Variants in ZNF704 observed in about 807,000 individuals in gnomAD.
The protein encoded by ZNF704 is glucocorticoid induced gene 1.
A neutral mutation model predicts 44.7 loss-of-function variants in ZNF704; 10 were observed. That is an observed-to-expected ratio of 0.22 (90% CI 0.14 to 0.38). The LOEUF is 0.38. Ranked by LOEUF, ZNF704 falls within the 10% of genes least tolerant of loss-of-function variation. The pLI is 1.00. For synonymous variants in ZNF704, 211 were observed against 207.6 expected, an observed-to-expected ratio of 1.02 and a Z score of -0.14; for missense variants, 390 against 545.5, an observed-to-expected ratio of 0.71 and a Z score of 2.84.
In ZNF704 at chr8:80,696,543, G is replaced by A. The variant is rs1346848448; in HGVS notation, c.222-3436C>T. ...AGCGATTCTTCTGCTTCAGCCTCCC[G>A]AGTAGCTGGGATTACAGGCATGTGT... On this transcript the variant is annotated intron_variant, in intron 2 of 8. Transcript: ENST00000327835. Among the ~76,000 whole-genome samples, 2 of 152,066 alleles carry A rather than the reference G, an allele frequency of 1.3e-5. 1 individual carries two copies. The highest frequency in any genetic ancestry group is 3.9e-4 in the East Asian group (2 of 5,174).
Position 80,854,331 on chromosome 8 carries a change from C to T in ZNF704, c.-22+20240G>A, listed in dbSNP as rs558062723. On this transcript the variant is annotated intron_variant, in intron 1 of 8. Coordinates refer to ENST00000327835, the MANE Select transcript of ZNF704 (RefSeq NM_001033723.3). ...TATTTTTCTCCATTTCCCCTCAGTG[C>T]CTTCCTGTCAATTTTATCAACTTTT... Among the ~76,000 whole-genome samples the T allele has an allele frequency of 9.9e-5, 15 of 152,218 alleles. No individual in the cohort carries two copies. In the South Asian group the frequency reaches 3.1e-3, roughly 32 times the overall value.
At chr8:80,842,412 T>C (rs1808695518) in intron 1 of ZNF704, among the ~76,000 whole-genome samples, 1 of 152,148 alleles carries the variant, frequency 6.6e-6, no homozygotes, top group Non-Finnish European at 1.5e-5. Context: ...CTGATTAATA[T>C]CCAATGTGAT....
chr8:80,686,563 A>C (rs551716043), intron 4 of ZNF704, among the ~76,000 whole-genome samples: 133 of 151,748 alleles, frequency 8.8e-4, no homozygotes, highest in African/African-American at 3.1e-3. Context: ...TTTTTTATTT[A>C]ATTTTTTTTT....
intron 2 of ZNF704, among the ~76,000 whole-genome samples, chr8:80,787,012 C>T (rs574799280): frequency 3.3e-4 from 51 of 152,242 alleles, no homozygotes; most frequent in African/African-American, 1.2e-3. Context: ...ACAGAAGAGG[C>T]TTGTTTTTAT....
rs1001341747 is a variant in ZNF704, at chr8:80,870,279, G to A, written c.-22+4292C>T. Among the ~76,000 whole-genome samples the A allele has an allele frequency of 7.9e-5, 12 of 152,252 alleles. No homozygotes were observed. The East Asian group carries it at 2.3e-3, about 29-fold the overall frequency. ...CCATGATGCTTTAGTCATAACACTA[G>A]GGTCTACTGTATCCCATCTTTTAAA... is the stretch of plus-strand genomic sequence containing the variant. On this transcript the variant is annotated intron_variant, in intron 1 of 8. Transcript: ENST00000327835.
chr8:80,674,692 C>G (rs1465376118), intron 4 of ZNF704, among the ~76,000 whole-genome samples: 2 of 152,178 alleles, frequency 1.3e-5, no homozygotes, highest in Non-Finnish European at 2.9e-5. Context: ...CCACTAGGCC[C>G]CACCTCCCAA....
chr8:80,681,427 C>T (rs1818452085), intron 4 of ZNF704, among the ~76,000 whole-genome samples: 1 of 152,044 alleles, frequency 6.6e-6, no homozygotes, highest in African/African-American at 2.4e-5. Flanking sequence ...TGAAATTCTA[C>T]AACAGGCAGC....
chr8:80,719,347 T>C (rs951295944), intron 2 of ZNF704, among the ~76,000 whole-genome samples: 5 of 152,204 alleles, frequency 3.3e-5, no homozygotes, highest in Non-Finnish European at 7.3e-5. Context: ...TAGTGACATC[T>C]TGATTATCAT....
At chr8:80,827,161 T>C (rs542769402) in intron 1 of ZNF704, among the ~76,000 whole-genome samples, 2 of 152,290 alleles carry the variant, frequency 1.3e-5, no homozygotes, top group Admixed American at 1.3e-4. Context: ...GACATCATTG[T>C]ATATTTAGAA....
At chr8:80,687,520 G>A (rs1321978167) in intron 3 of ZNF704, 62 bp from the exon 4 acceptor site, 1 of 1,276,912 alleles carries the variant, frequency 7.8e-7, no homozygotes, top group South Asian at 1.5e-5. Flanking sequence ...GGTTCAGTGG[G>A]GAAATGGGAG....
At chr8:80,761,069 G>T (rs1458966397) in intron 2 of ZNF704, among the ~76,000 whole-genome samples, 1 of 152,104 alleles carries the variant, frequency 6.6e-6, no homozygotes, top group African/African-American at 2.4e-5. Context: ...TTTGGGTGGA[G>T]ACACAGATCC....
chr8:80,691,503 C>T (rs1475635841), intron 3 of ZNF704, among the ~76,000 whole-genome samples: 1 of 152,220 alleles, frequency 6.6e-6, no homozygotes, highest in Non-Finnish European at 1.5e-5. Flanking sequence ...TGGTCTTCCT[C>T]TACCTCTCTG....
intron 3 of ZNF704, among the ~76,000 whole-genome samples, chr8:80,689,103 T>C (rs1290830982): frequency 6.6e-6 from 1 of 152,164 alleles, no homozygotes; most frequent in African/African-American, 2.4e-5. Flanking sequence ...TTTATGTGCA[T>C]TTTGAATATA....
At chr8:80,884,290 T>G in the ZNF704 span, among the ~76,000 whole-genome samples, 3 of 152,190 alleles carry the variant, frequency 2.0e-5, no homozygotes, top group African/African-American at 7.2e-5. Context: ...TACCTTCCAT[T>G]TCTTTGACTG....
In ZNF704 at chr8:80,781,341, G is replaced by GCTA. The variant is rs1426745609; in HGVS notation, c.221+40030_221+40032dup. Among the ~76,000 whole-genome samples the GCTA allele has an allele frequency of 3.3e-5, 5 of 152,260 alleles. No homozygotes were observed. The South Asian group carries it at 1.0e-3, about 32-fold the overall frequency. On this transcript the variant is annotated intron_variant, in intron 2 of 8. Coordinates refer to ENST00000327835, the MANE Select transcript of ZNF704 (RefSeq NM_001033723.3). Reference sequence around the variant, plus strand: ...GTCTCTGTCACAGCTACTCAATTCTGCTACTATTTGCAAAAGCAGCCAATG... The same window carrying GCTA: ...GTCTCTGTCACAGCTACTCAATTCTGCTACTACTATTTGCAAAAGCAGCCAATG...
At chr8:80,713,699 T>C (rs1337966586) in intron 2 of ZNF704, among the ~76,000 whole-genome samples, 1 of 149,656 alleles carries the variant, frequency 6.7e-6, no homozygotes, top group Non-Finnish European at 1.5e-5. Context: ...CCACAGGTCA[T>C]TCAGGGGAAT....
chr8:80,720,822 T>C (rs538416083), intron 2 of ZNF704, among the ~76,000 whole-genome samples: 2 of 152,222 alleles, frequency 1.3e-5, no homozygotes, highest in Admixed American at 6.5e-5. Context: ...CAACTGCCCA[T>C]TGGTTAGTCT....
chr8:80,800,900 C>T (rs746763763), intron 2 of ZNF704, among the ~76,000 whole-genome samples: 37 of 152,126 alleles, frequency 2.4e-4, no homozygotes, highest in Non-Finnish European at 4.3e-4. Context: ...CATCAGTATG[C>T]TGTGTTCAAG....
intron 1 of ZNF704, among the ~76,000 whole-genome samples, chr8:80,830,657 T>TGGAAGGATGGAC (rs1306678202): frequency 8.0e-4 from 118 of 148,026 alleles, no homozygotes; most frequent in Non-Finnish European, 1.6e-4. Flanking sequence ...GAAGGAAGGA[T>TGGAAGGATGGAC]GGAAGGATGG....
Sources: gnomAD v4.1 joint callset for allele counts (sites outside exome capture counted in the v4.1 genomes callset) on GRCh38, gnomAD v4.1.1 for gene constraint, MANE v1.5 for transcripts, NCBI Gene and HGNC (gene_info 2026-07-23, HGNC 2026-07-21) for gene names.